The following DGKI variants were observed in gnomAD, a reference collection of about 807,000 sequenced individuals.
The protein encoded by DGKI is diacylglycerol kinase iota.
Under a neutral mutation model 147.5 loss-of-function variants are expected in DGKI, and 55 were observed. That is an observed-to-expected ratio of 0.37 (90% CI 0.30 to 0.47). The LOEUF (loss-of-function observed/expected upper bound fraction) is 0.47, where lower values mean the gene tolerates loss of function less well. Among genes scored for constraint, DGKI ranks in the 20% least tolerant of loss-of-function variants. DGKI has a pLI of 1.00. For synonymous variants in DGKI, 469 were observed against 477.1 expected, an observed-to-expected ratio of 0.98 and a Z score of 0.22; for missense variants, 1,007 against 1,323.8, an observed-to-expected ratio of 0.76 and a Z score of 3.71.
chr7:137,509,924 C>A (rs1258957135), intron 21 of DGKI, among the ~76,000 whole-genome samples: 1 of 151,760 alleles, frequency 6.6e-6, no homozygotes, highest in African/African-American at 2.4e-5. Flanking sequence ...AATGGAAAAG[C>A]AGAAATGAGA....
At chr7:137,604,216 A>T (rs2128990998) in intron 10 of DGKI, among the ~76,000 whole-genome samples, 1 of 152,260 alleles carries the variant, frequency 6.6e-6, no homozygotes, top group East Asian at 1.9e-4. Flanking sequence ...TCGTCTACTG[A>T]CTTCCCTCTG....
At chr7:137,524,894 T>C (rs192196883) in intron 20 of DGKI, among the ~76,000 whole-genome samples, 85 of 152,240 alleles carry the variant, frequency 5.6e-4, no homozygotes, top group Middle Eastern at 3.4e-3. Context: ...TGCTGACCAG[T>C]TCCTGGACTC....
rs1292406080 is a variant in DGKI, at chr7:137,767,572, AG to A, written c.402-77571del. ...GAGGAAGAGAAGAGAAGAGAAGAGA[AG>A]GAGAAGGAGAAGAGAAGAGAAGAGA... On this transcript the variant is annotated intron_variant, in intron 1 of 32. Transcript: ENST00000614521. Among the ~76,000 whole-genome samples, 85 of 151,232 alleles carry A rather than the reference AG, an allele frequency of 5.6e-4. 1 individual carries two copies. The highest frequency in any genetic ancestry group is 3.4e-3 in the Middle Eastern group (1 of 294).
At chr7:137,415,882 A>G (rs1812340876) in intron 28 of DGKI, among the ~76,000 whole-genome samples, 1 of 152,076 alleles carries the variant, frequency 6.6e-6, no homozygotes, top group South Asian at 2.1e-4. Flanking sequence ...CCAGCTACTC[A>G]GGAGGCTGAG....
intron 21 of DGKI, among the ~76,000 whole-genome samples, chr7:137,501,820 T>C (rs1236596057): frequency 1.3e-5 from 2 of 152,142 alleles, no homozygotes; most frequent in Non-Finnish European, 2.9e-5. Context: ...GAGCCTGATA[T>C]GGTTTGGCTC....
intron 6 of DGKI, among the ~76,000 whole-genome samples, chr7:137,634,355 C>T (rs7788632): frequency 0.14 from 21,423 of 152,148 alleles, 4,864 homozygotes; most frequent in African/African-American, 0.48. Context: ...CCCTGTGATG[C>T]TTATAACAAG....
intron 23 of DGKI, among the ~76,000 whole-genome samples, chr7:137,471,756 A>C (rs1291228886): frequency 6.6e-6 from 1 of 151,634 alleles, no homozygotes; most frequent in African/African-American, 2.4e-5. Context: ...AGAGGAAAAA[A>C]TGGTCTCATT....
intron 1 of DGKI, among the ~76,000 whole-genome samples, chr7:137,744,899 A>AT (rs1370160415): frequency 1.3e-5 from 2 of 152,194 alleles, no homozygotes; most frequent in Non-Finnish European, 1.5e-5. Flanking sequence ...TCTGAAAATA[A>AT]TAAGAGCCCT....
chr7:137,442,636 T>C (rs1054949248), intron 28 of DGKI, among the ~76,000 whole-genome samples: 1 of 152,196 alleles, frequency 6.6e-6, no homozygotes, highest in Non-Finnish European at 1.5e-5. Flanking sequence ...AATTGCCTGA[T>C]CCTGACTTAA....
At chr7:137,674,699 C>T (rs1441232503) in intron 3 of DGKI, among the ~76,000 whole-genome samples, 3 of 152,166 alleles carry the variant, frequency 2.0e-5, no homozygotes. Context: ...CAGAGCTTGC[C>T]CCACCTCTGA....
chr7:137,790,137 T>C (rs1354889917), intron 1 of DGKI, among the ~76,000 whole-genome samples: 2 of 152,120 alleles, frequency 1.3e-5, no homozygotes, highest in East Asian at 1.9e-4. Flanking sequence ...AGTAAAACTT[T>C]ATTTACAAAA....
intron 20 of DGKI, among the ~76,000 whole-genome samples, chr7:137,524,176 T>C (rs1384124101): frequency 6.6e-6 from 1 of 152,100 alleles, no homozygotes; most frequent in Non-Finnish European, 1.5e-5. Flanking sequence ...TAGGTCTTTA[T>C]TCATTTAGAG....
chr7:137,837,257 A>T (rs1798410430), intron 1 of DGKI, among the ~76,000 whole-genome samples: 1 of 152,248 alleles, frequency 6.6e-6, no homozygotes, highest in Non-Finnish European at 1.5e-5. Context: ...TCAGTAACTT[A>T]TAATGATTAA....
chr7:137,576,491 T>C (rs1818981659), intron 17 of DGKI, among the ~76,000 whole-genome samples: 1 of 152,238 alleles, frequency 6.6e-6, no homozygotes, highest in Non-Finnish European at 1.5e-5. Context: ...AACAAAGTCA[T>C]GTTCCTTCCT....
At chr7:137,537,435 T>C (rs1817556489) in intron 20 of DGKI, among the ~76,000 whole-genome samples, 1 of 152,048 alleles carries the variant, frequency 6.6e-6, no homozygotes, top group South Asian at 2.1e-4. Context: ...TCCCCATTCA[T>C]GGAAATCCAT....
In DGKI at chr7:137,485,507, T is replaced by C. The variant is rs566313267; in HGVS notation, c.2329-89A>G. 2,146 of 947,156 alleles carry C rather than the reference T, an allele frequency of 2.3e-3. 6 individuals are homozygous for C. The highest frequency in any genetic ancestry group is 2.0e-3 in the Non-Finnish European group (1,207 of 613,092). The allele number at this position is 947,156 out of a possible 1,614,324, so 58.7% of individuals were successfully genotyped here. A position where few individuals can be genotyped will look rare whatever the true frequency, so the allele number is the denominator to read the frequency against. ...CTCAATCTCAACTGAACTCCCAATT[T>C]AATATTACTATGCTCATCTGGAAAG... On this transcript the variant is annotated intron_variant, in intron 22 of 32. Coordinates refer to ENST00000614521, the MANE Select transcript of DGKI (RefSeq NM_001321708.2).
chr7:137,753,426 G>A (rs1000523209), intron 1 of DGKI, among the ~76,000 whole-genome samples: 2 of 152,314 alleles, frequency 1.3e-5, no homozygotes, highest in South Asian at 2.1e-4. Flanking sequence ...GGAATTTTGC[G>A]AGGGTTCCAA....
intron 1 of DGKI, among the ~76,000 whole-genome samples, chr7:137,842,685 A>G (rs1445759294): frequency 1.3e-5 from 2 of 152,158 alleles, no homozygotes; most frequent in Non-Finnish European, 2.9e-5. Context: ...TCTAACGAGG[A>G]TATCTTCATA....
At chr7:137,538,131 G>A (rs1356774450) in intron 20 of DGKI, among the ~76,000 whole-genome samples, 1 of 152,094 alleles carries the variant, frequency 6.6e-6, no homozygotes, top group Non-Finnish European at 1.5e-5. Flanking sequence ...TACTTCTCTG[G>A]CCAGAGGCAT....
Sources: gnomAD v4.1 joint callset for allele counts (sites outside exome capture counted in the v4.1 genomes callset) on GRCh38, gnomAD v4.1.1 for gene constraint, MANE v1.5 for transcripts, NCBI Gene and HGNC (gene_info 2026-07-23, HGNC 2026-07-21) for gene names.